Variants in CDK14 observed in about 807,000 individuals in gnomAD.
The protein encoded by CDK14 is cyclin-dependent kinase 14.
Under a neutral mutation model 60.7 loss-of-function variants are expected in CDK14, and 34 were observed. That is an observed-to-expected ratio of 0.56 (90% CI 0.43 to 0.75). The LOEUF (loss-of-function observed/expected upper bound fraction) is 0.75. Ranked by LOEUF, CDK14 falls within the 30% of genes least tolerant of loss-of-function variation. The pLI is 0.00. For missense variants in CDK14, 482 were observed against 564.1 expected (o/e 0.85, Z 1.47); for synonymous variants, 197 against 203.7 (o/e 0.97, Z 0.28).
intron 10 of CDK14, among the ~76,000 whole-genome samples, chr7:91,038,596 G>A (rs1389276107): frequency 2.6e-5 from 4 of 152,156 alleles, no homozygotes; most frequent in Non-Finnish European, 5.9e-5. Context: ...AATGAATCAG[G>A]AACTAATCAG....
intron 5 of CDK14, among the ~76,000 whole-genome samples, chr7:90,851,473 G>A (rs1037604194): frequency 3.9e-5 from 6 of 152,132 alleles, no homozygotes; most frequent in African/African-American, 1.4e-4. Context: ...AATAATGGGT[G>A]GATGTTTGCC....
chr7:91,026,420 A>G (rs1796570524), intron 10 of CDK14, among the ~76,000 whole-genome samples: 1 of 152,234 alleles, frequency 6.6e-6, no homozygotes, highest in South Asian at 2.1e-4. Context: ...GAGTGAAAAC[A>G]ACTCTTAAAG....
intron 2 of CDK14, among the ~76,000 whole-genome samples, chr7:90,682,419 C>T (rs921849321): frequency 4.3e-4 from 65 of 152,192 alleles, no homozygotes; most frequent in African/African-American, 1.6e-3. Flanking sequence ...AATCATCTGT[C>T]GGTCTATTGT....
At chr7:90,895,685 C>T (rs143303902) in intron 6 of CDK14, among the ~76,000 whole-genome samples, 5 of 147,262 alleles carry the variant, frequency 3.4e-5, no homozygotes, top group Admixed American at 6.8e-5. Flanking sequence ...CTCAGCTTCC[C>T]GAGTAGCTGG....
intron 8 of CDK14, among the ~76,000 whole-genome samples, chr7:90,945,432 A>G (rs1360318088): frequency 6.6e-6 from 1 of 152,184 alleles, no homozygotes; most frequent in East Asian, 1.9e-4. Flanking sequence ...GGCAGGGTTA[A>G]GTATGTGGAA....
At chr7:91,059,798 A>C (rs943706345) in intron 11 of CDK14, among the ~76,000 whole-genome samples, 2 of 152,198 alleles carry the variant, frequency 1.3e-5, no homozygotes, top group Non-Finnish European at 2.9e-5. Flanking sequence ...GTTCTTTTAC[A>C]TTTGCTGAGG....
intron 5 of CDK14, among the ~76,000 whole-genome samples, chr7:90,812,874 A>G (rs927226948): frequency 1.3e-5 from 2 of 152,140 alleles, no homozygotes; most frequent in African/African-American, 4.8e-5. Flanking sequence ...TAAAGGTTAA[A>G]TATTAAATTA....
At chr7:90,998,244 C>T (rs1290189457) in intron 10 of CDK14, among the ~76,000 whole-genome samples, 1 of 152,080 alleles carries the variant, frequency 6.6e-6, no homozygotes, top group Admixed American at 6.6e-5. Context: ...TTTTTACAAG[C>T]AATAAAATAT....
At chr7:90,984,792 C>T (rs1795329855) in intron 10 of CDK14, among the ~76,000 whole-genome samples, 1 of 152,182 alleles carries the variant, frequency 6.6e-6, no homozygotes, top group Non-Finnish European at 1.5e-5. Context: ...TCTTCCTCCC[C>T]AAACCATAGC....
At chr7:90,709,458 T>C in intron 2 of CDK14, 2 of 1,562,440 alleles carry the variant, frequency 1.3e-6, no homozygotes, top group Non-Finnish European at 1.7e-6. Flanking sequence ...TTGGCTCCCA[T>C]TCTGTATTCT....
At chr7:90,986,975 A>G (rs1368552318) in intron 10 of CDK14, among the ~76,000 whole-genome samples, 1 of 151,932 alleles carries the variant, frequency 6.6e-6, no homozygotes, top group Non-Finnish European at 1.5e-5. Flanking sequence ...CAACTTACAT[A>G]TTACTTTAGG....
chr7:90,960,293 C>T (rs1022281568), intron 9 of CDK14, among the ~76,000 whole-genome samples: 1 of 152,106 alleles, frequency 6.6e-6, no homozygotes, highest in Non-Finnish European at 1.5e-5. Context: ...CCTGAGGTAT[C>T]AACTACAGTA....
chr7:91,056,303 G>A (rs889699678), intron 11 of CDK14, among the ~76,000 whole-genome samples: 6 of 151,728 alleles, frequency 4.0e-5, no homozygotes, highest in Admixed American at 3.9e-4. Context: ...CCCAAGGGTA[G>A]GATGAAGATT....
chr7:91,194,681 A>G (rs1036222410), intron 14 of CDK14, among the ~76,000 whole-genome samples: 1 of 152,240 alleles, frequency 6.6e-6, no homozygotes, highest in East Asian at 1.9e-4. Flanking sequence ...AGCATAACCC[A>G]GACAAGATGT....
intron 2 of CDK14, among the ~76,000 whole-genome samples, chr7:90,618,112 G>A (rs1234300368): frequency 2.0e-5 from 3 of 152,182 alleles, no homozygotes; most frequent in South Asian, 4.1e-4. Flanking sequence ...TAGCTTGTGC[G>A]TGTGAAGCCA....
intron 10 of CDK14, among the ~76,000 whole-genome samples, chr7:91,032,793 T>G (rs938347579): frequency 6.6e-6 from 1 of 152,234 alleles, no homozygotes; most frequent in East Asian, 1.9e-4. Context: ...CCACCAAGTT[T>G]GTGTTGTTAC....
chr7:90,680,762 T>C (rs1313193983), intron 2 of CDK14, among the ~76,000 whole-genome samples: 1 of 152,248 alleles, frequency 6.6e-6, no homozygotes. Context: ...GAAGTGGCAG[T>C]GCATAAAAGT....
chr7:90,786,560 T>C (rs1170532545), intron 4 of CDK14, among the ~76,000 whole-genome samples: 1 of 152,186 alleles, frequency 6.6e-6, no homozygotes, highest in Non-Finnish European at 1.5e-5. Context: ...TTGATATCTT[T>C]AAAAATTTCC....
Position 91,187,137 on chromosome 7 carries a change from TAAGGTATTGTTTTATTTTAA to T in CDK14, c.*29-20025_*29-20006del, listed in dbSNP as rs1802216323. On this transcript the variant is annotated intron_variant, in intron 14 of 14. Coordinates refer to ENST00000380050, the MANE Select transcript of CDK14 (RefSeq NM_001287135.2). ...TGATAATTACTCTTTGTGCTTGTAA[TAAGGTATTGTTTTATTTTAA>T]AATATGGTTAAGTACTGATGAATAC... 2.0e-5 allele frequency among the ~76,000 whole-genome samples: 3 copies of T among 152,364 alleles called. No individual in the cohort carries two copies. In the South Asian group the frequency reaches 6.2e-4, roughly 32 times the overall value.
Sources: allele counts gnomAD v4.1 joint callset (sites outside exome capture counted in the v4.1 genomes callset), GRCh38; gene constraint gnomAD v4.1.1; transcripts MANE v1.5; gene names NCBI Gene and HGNC (gene_info 2026-07-23, HGNC 2026-07-21).